Variants in ZFAND3 observed in about 807,000 individuals in gnomAD.
ZFAND3 encodes zinc finger AN1-type containing 3.
ZFAND3 carries 10 observed loss-of-function variants against 29.6 expected under a neutral mutation model. That is an observed-to-expected ratio of 0.34 (90% confidence interval 0.21 to 0.57). The LOEUF is 0.57. Among genes scored for constraint, ZFAND3 ranks in the 20% least tolerant of loss-of-function variants. The probability of loss-of-function intolerance (pLI) is 0.86; values close to 1 mark genes in which losing one functional copy is unlikely to be tolerated. For synonymous variants in ZFAND3, 128 were observed against 112.6 expected, an observed-to-expected ratio of 1.14 and a Z score of -0.87; for missense variants, 230 against 304.5, an observed-to-expected ratio of 0.76 and a Z score of 1.82.
intron 1 of ZFAND3, among the ~76,000 whole-genome samples, chr6:37,881,008 TA>T (rs59495173): frequency 0.11 from 15,780 of 143,170 alleles, 856 homozygotes; most frequent in South Asian, 0.15. Context: ...ACTTAGAGTA[TA>T]AAAAAAAAAA....
At chr6:37,959,454 T>C (rs532760404) in intron 2 of ZFAND3, among the ~76,000 whole-genome samples, 230 of 152,338 alleles carry the variant, frequency 1.5e-3, no homozygotes, top group African/African-American at 5.1e-3. Flanking sequence ...TCACTTAATT[T>C]TTTTTAGAGC....
At chr6:38,112,099 T>A (rs775894695) in intron 4 of ZFAND3, among the ~76,000 whole-genome samples, 24 of 152,222 alleles carry the variant, frequency 1.6e-4, no homozygotes, top group Non-Finnish European at 2.9e-4. Context: ...CCTTATTTAA[T>A]CACATTATGA....
At chr6:37,947,129 T>C (rs1172804830) in intron 2 of ZFAND3, among the ~76,000 whole-genome samples, 4 of 152,210 alleles carry the variant, frequency 2.6e-5, no homozygotes, top group Non-Finnish European at 2.9e-5. Flanking sequence ...TACAGTTTTG[T>C]TCTTTACACT....
In ZFAND3 at chr6:37,962,920, G is replaced by A. The variant is rs1234768907; in HGVS notation, c.112+32921G>A. On this transcript the variant is annotated intron_variant, in intron 2 of 5. Transcript: ENST00000287218. ...TCACTCCTGAAGTCAGCGAGACCAC[G>A]AACCCACTGGGAGGAACAAACAACT... Among the ~76,000 whole-genome samples the A allele has an allele frequency of 5.9e-5, 9 of 151,916 alleles. 1 individual carries two copies. Among genetic ancestry groups the A allele is most frequent in the African/African-American group, 2.2e-4 (9 of 41,336 alleles).
intron 1 of ZFAND3, among the ~76,000 whole-genome samples, chr6:37,837,494 G>T (rs531136330): frequency 6.7e-6 from 1 of 148,748 alleles, no homozygotes; most frequent in African/African-American, 2.5e-5. Flanking sequence ...TCCTTTTAAT[G>T]TATAGATAGT....
chr6:37,973,870 C>T (rs1401467771), intron 2 of ZFAND3, among the ~76,000 whole-genome samples: 1 of 152,192 alleles, frequency 6.6e-6, no homozygotes, highest in East Asian at 1.9e-4. Flanking sequence ...CATTTACTAT[C>T]ACCTTTGACG....
intron 1 of ZFAND3, among the ~76,000 whole-genome samples, chr6:37,854,972 T>G (rs1321752293): frequency 7.3e-6 from 1 of 137,396 alleles, no homozygotes; most frequent in East Asian, 1.9e-4. Flanking sequence ...GTGTTTTTTT[T>G]TTTTTTTTTT....
chr6:37,831,142 C>G (rs1763853073), intron 1 of ZFAND3, among the ~76,000 whole-genome samples: 1 of 152,176 alleles, frequency 6.6e-6, no homozygotes. Flanking sequence ...AAAATAGTAT[C>G]TTAGAGTTGG....
intron 1 of ZFAND3, among the ~76,000 whole-genome samples, chr6:37,911,056 C>T (rs149191128): frequency 4.4e-4 from 67 of 152,200 alleles, no homozygotes; most frequent in Non-Finnish European, 7.8e-4. Flanking sequence ...TGGATATATA[C>T]GCAGAAGTGG....
At chr6:37,988,420 C>T (rs915128344) in intron 2 of ZFAND3, among the ~76,000 whole-genome samples, 29 of 152,314 alleles carry the variant, frequency 1.9e-4, no homozygotes, top group Admixed American at 3.3e-4. Flanking sequence ...CAAACTTTTC[C>T]TCATCTGCCA....
chr6:37,980,228 GT>G, intron 2 of ZFAND3, among the ~76,000 whole-genome samples: 1 of 145,364 alleles, frequency 6.9e-6, no homozygotes, highest in Non-Finnish European at 1.5e-5. Context: ...GTTTTTATTT[GT>G]TTTTGTTTCA....
chr6:37,937,653 CAAAA>C (rs71542151), intron 2 of ZFAND3, among the ~76,000 whole-genome samples: 1 of 85,494 alleles, frequency 1.2e-5, no homozygotes, highest in African/African-American at 4.6e-5. Context: ...GACTCCGTCT[CAAAA>C]AAAAAAAAAA....
At chr6:38,129,456 G>T (rs1181919392) in intron 5 of ZFAND3, among the ~76,000 whole-genome samples, 2 of 152,126 alleles carry the variant, frequency 1.3e-5, no homozygotes, top group Admixed American at 6.5e-5. Context: ...TTAGTTTTAG[G>T]TCTTAGATTT....
rs56045448 is a variant in ZFAND3, at chr6:37,913,708, C to CTTTTTTTTTTTTTTTTTTTTTTTTT, written c.72-16232_72-16231insTTTTTTTTTTTTTTTTTTTTTTTTT. ...CCCAGCTGTCTATGGCAGCTATATT[C>CTTTTTTTTTTTTTTTTTTTTTTTTT]TTTTTTTTTTTTTTTTTTTGAGACA... On this transcript the variant is annotated intron_variant, in intron 1 of 5. Transcript: ENST00000287218. Among the ~76,000 whole-genome samples the CTTTTTTTTTTTTTTTTTTTTTTTTT allele has an allele frequency of 1.1e-4, 12 of 113,040 alleles. 1 individual carries two copies. Among genetic ancestry groups the CTTTTTTTTTTTTTTTTTTTTTTTTT allele is most frequent in the African/African-American group, 3.0e-4 (9 of 29,738 alleles). 74.2% of individuals were successfully genotyped at this position (113,040 alleles called of 152,430 possible).
intron 2 of ZFAND3, among the ~76,000 whole-genome samples, chr6:38,057,247 A>G (rs1764148694): frequency 6.6e-6 from 1 of 152,170 alleles, no homozygotes; most frequent in Non-Finnish European, 1.5e-5. Flanking sequence ...TCTGTGCCTC[A>G]TATTTTGTTG....
chr6:38,127,411 A>G (rs1765655403), intron 5 of ZFAND3, among the ~76,000 whole-genome samples: 1 of 152,228 alleles, frequency 6.6e-6, no homozygotes, highest in South Asian at 2.1e-4. Flanking sequence ...TTTGCAGATG[A>G]AGCATATTCC....
intron 2 of ZFAND3, among the ~76,000 whole-genome samples, chr6:37,963,170 G>A (rs747773402): frequency 7.9e-5 from 12 of 152,140 alleles, no homozygotes; most frequent in Admixed American, 7.2e-4. Context: ...AGAACCCACT[G>A]GAAGGAACCA....
intron 1 of ZFAND3, among the ~76,000 whole-genome samples, chr6:37,858,567 A>T (rs1181474888): frequency 6.6e-6 from 1 of 152,210 alleles, no homozygotes; most frequent in Non-Finnish European, 1.5e-5. Context: ...CTTTGCAAAT[A>T]TATAACAAAA....
intron 1 of ZFAND3, among the ~76,000 whole-genome samples, chr6:37,834,158 C>A (rs75443052): frequency 0.066 from 10,006 of 152,266 alleles, 393 homozygotes; most frequent in Non-Finnish European, 0.085. Context: ...TCTGCTCTGC[C>A]TGTTCATCTC....
Sources: allele counts gnomAD v4.1 joint callset (sites outside exome capture counted in the v4.1 genomes callset), GRCh38; gene constraint gnomAD v4.1.1; transcripts MANE v1.5; gene names NCBI Gene and HGNC (gene_info 2026-07-23, HGNC 2026-07-21).